EFR3B: variants seen among roughly 807,000 people sequenced by gnomAD.
EFR3B encodes EFR3 homolog B.
Under a neutral mutation model 104.7 loss-of-function variants are expected in EFR3B, and 64 were observed. The ratio of observed to expected loss-of-function variants is 0.61; its 90% CI spans 0.50 to 0.75. EFR3B has a LOEUF of 0.75. Ranked by LOEUF, EFR3B falls within the 30% of genes least tolerant of loss-of-function variation. The pLI, the probability that EFR3B is intolerant of heterozygous loss-of-function variation, is 0.00. For synonymous variants in EFR3B, 385 were observed against 417.9 expected (o/e 0.92, Z 0.96); for missense variants, 750 against 1,078.5 (o/e 0.70, Z 4.27).
chr2:25,071,351 C>T (rs956124844), intron 1 of EFR3B, among the ~76,000 whole-genome samples: 1 of 151,550 alleles, frequency 6.6e-6, no homozygotes, highest in Non-Finnish European at 1.5e-5. Flanking sequence ...ATGTCTGCCT[C>T]CTGGGTTCAA....
At chr2:25,066,312 AT>A (rs1668337039) in intron 1 of EFR3B, among the ~76,000 whole-genome samples, 1 of 152,158 alleles carries the variant, frequency 6.6e-6, no homozygotes, top group African/African-American at 2.4e-5. Context: ...TAAGAGCACA[AT>A]AGAAGGTGAT....
At chr2:25,046,717 A>G in intron 1 of EFR3B, among the ~76,000 whole-genome samples, 1 of 151,282 alleles carries the variant, frequency 6.6e-6, no homozygotes, top group Non-Finnish European at 1.5e-5. Flanking sequence ...GTTAGCCAGG[A>G]TGGTCTCGAT....
At chr2:25,143,997 G>C in intron 18 of EFR3B, 135 bp downstream of exon 18, 1 of 1,305,832 alleles carries the variant, frequency 7.7e-7, no homozygotes, top group Non-Finnish European at 1.0e-6. Context: ...GAAAGACACA[G>C]TGGAAATTTA....
chr2:25,143,926 G>A, intron 18 of EFR3B, 64 bp downstream of exon 18: 1 of 1,515,498 alleles, frequency 6.6e-7, no homozygotes, highest in Non-Finnish European at 8.9e-7. Context: ...GTAAGGGCCT[G>A]AGCATAAGGG....
At chr2:25,088,188 G>A (rs564086924) in intron 1 of EFR3B, among the ~76,000 whole-genome samples, 7 of 152,170 alleles carry the variant, frequency 4.6e-5, no homozygotes, top group South Asian at 4.2e-4. Context: ...TCTCTCCAGC[G>A]TGCCTCTTGT....
intron 1 of EFR3B, among the ~76,000 whole-genome samples, chr2:25,055,683 A>C (rs1667997928): frequency 6.6e-6 from 1 of 152,232 alleles, no homozygotes; most frequent in Non-Finnish European, 1.5e-5. Context: ...AATTACGAGA[A>C]CATTTATAAA....
At chr2:25,113,560 C>T (rs1023839705) in intron 4 of EFR3B, among the ~76,000 whole-genome samples, 2 of 150,828 alleles carry the variant, frequency 1.3e-5, no homozygotes, top group African/African-American at 4.9e-5. Flanking sequence ...GCCAGCTACT[C>T]GGGAGGCTGA....
At chr2:25,124,561 A>G (rs1355409358) in intron 5 of EFR3B, among the ~76,000 whole-genome samples, 1 of 151,512 alleles carries the variant, frequency 6.6e-6, no homozygotes, top group Non-Finnish European at 1.5e-5. Context: ...TGAAACCCCT[A>G]TTTAGTCTCT....
Position 25,157,607 on chromosome 2 carries a change from C to T in EFR3B, c.*3267C>T. On this transcript the variant is annotated 3_prime_UTR_variant, in exon 23 of 23. Transcript: ENST00000403714. The stretch of plus-strand genomic sequence containing the variant: ...CTCTAGCTGTGTGGGGAAGGGCTAG[C>T]ATTGGTCAGGACTCTGCTGACAGCA... 6.6e-6 allele frequency: 1 copy of T among 152,372 alleles called. No homozygotes were observed. The highest frequency in any genetic ancestry group is 1.9e-4 in the East Asian group (1 of 5,186). The allele number at this position is 152,372 out of a possible 1,614,324, so 9.4% of individuals were successfully genotyped here.
intron 19 of EFR3B, 54 bp from the exon 20 acceptor site, chr2:25,149,640 G>A: frequency 6.5e-6 from 10 of 1,529,960 alleles, no homozygotes; most frequent in East Asian, 4.9e-5. Context: ...TGCCAGGGCT[G>A]CCTCCTTTCT....
At chr2:25,059,875 CAAAAAAAAAA>C (rs773320701) in intron 1 of EFR3B, among the ~76,000 whole-genome samples, 1 of 48,750 alleles carries the variant, frequency 2.1e-5, no homozygotes, top group East Asian at 5.5e-4. Flanking sequence ...AACTCTGTCT[CAAAAAAAAAA>C]AAAAAAAAAA....
At chr2:25,149,553 G>C (rs752489914) in intron 19 of EFR3B, 141 bp from the exon 20 acceptor site, 3 of 779,166 alleles carry the variant, frequency 3.9e-6, no homozygotes, top group African/African-American at 1.7e-5. Context: ...CCCTGAGGGG[G>C]GTGGGGGTGT....
intron 1 of EFR3B, among the ~76,000 whole-genome samples, chr2:25,090,486 C>T (rs1044923045): frequency 1.3e-5 from 2 of 152,236 alleles, no homozygotes; most frequent in East Asian, 3.8e-4. Flanking sequence ...GAGGAGGTCA[C>T]TTCAGTCTTC....
intron 3 of EFR3B, among the ~76,000 whole-genome samples, chr2:25,103,159 T>C (rs1312286281): frequency 1.3e-5 from 2 of 152,272 alleles, no homozygotes; most frequent in African/African-American, 4.8e-5. Flanking sequence ...AATATCTATG[T>C]ATTTATCTCA....
intron 1 of EFR3B, 131 bp from the exon 2 acceptor site, chr2:25,091,194 C>T: frequency 2.4e-6 from 2 of 828,146 alleles, no homozygotes; most frequent in Non-Finnish European, 3.8e-6. Context: ...CCCGAGCCCT[C>T]CAAGGGAGGG....
At chr2:25,104,664 T>C (rs1474890885) in intron 4 of EFR3B, among the ~76,000 whole-genome samples, 1 of 152,236 alleles carries the variant, frequency 6.6e-6, no homozygotes, top group Admixed American at 6.5e-5. Context: ...AGTAAAGTGA[T>C]GTCCCCAGGA....
At chr2:25,109,637 C>T (rs1043330820) in intron 4 of EFR3B, among the ~76,000 whole-genome samples, 7 of 152,134 alleles carry the variant, frequency 4.6e-5, no homozygotes, top group African/African-American at 7.2e-5. Flanking sequence ...ACCTATTTAT[C>T]GTCCCATGTA....
intron 16 of EFR3B, among the ~76,000 whole-genome samples, chr2:25,140,221 G>A (rs778183452): frequency 4.6e-5 from 7 of 152,154 alleles, no homozygotes; most frequent in Non-Finnish European, 8.8e-5. Flanking sequence ...GCTGAGGCAG[G>A]AGAATCGCTT....
At chr2:25,103,495 T>C in intron 3 of EFR3B, 142 bp from the exon 4 acceptor site, 12 of 1,177,526 alleles carry the variant, frequency 1.0e-5, no homozygotes, top group Non-Finnish European at 1.4e-5. Flanking sequence ...GGAAAGGCTA[T>C]CCAGACGTTG....
Sources: gnomAD v4.1 joint callset for allele counts (sites outside exome capture counted in the v4.1 genomes callset) on GRCh38, gnomAD v4.1.1 for gene constraint, MANE v1.5 for transcripts, NCBI Gene and HGNC (gene_info 2026-07-23, HGNC 2026-07-21) for gene names.